Variants in TANC2 observed in about 807,000 individuals in gnomAD.
TANC2 encodes tetratricopeptide repeat, ankyrin repeat and coiled-coil containing 2.
Under a neutral mutation model 210.5 loss-of-function variants are expected in TANC2, and 26 were observed. The observed-to-expected ratio is 0.12, with a 90% CI of 0.09 to 0.17. TANC2 has a LOEUF of 0.17. Among genes scored for constraint, TANC2 ranks in the 10% least tolerant of loss-of-function variants. The probability of loss-of-function intolerance (pLI) is 1.00; values close to 1 mark genes in which losing one functional copy is unlikely to be tolerated. For missense variants in TANC2, 2,129 were observed against 2,608.9 expected (o/e 0.82, Z 4.01); for synonymous variants, 931 against 967.1 (o/e 0.96, Z 0.69).
intron 2 of TANC2, among the ~76,000 whole-genome samples, chr17:63,035,629 C>T (rs552346379): frequency 7.4e-4 from 112 of 152,208 alleles, no homozygotes; most frequent in African/African-American, 2.5e-3. Context: ...TGGATTATTT[C>T]CAATTTTAGG....
chr17:63,309,663 C>A (rs2045050325), intron 9 of TANC2, among the ~76,000 whole-genome samples: 1 of 151,966 alleles, frequency 6.6e-6, no homozygotes, highest in Non-Finnish European at 1.5e-5. Flanking sequence ...GATTAACTGT[C>A]AGAACTGAAT....
chr17:63,416,014 T>C (rs2048846928), intron 26 of TANC2, among the ~76,000 whole-genome samples: 2 of 152,180 alleles, frequency 1.3e-5, no homozygotes. Flanking sequence ...AGAATTCCAG[T>C]TGCAATTAGA....
At chr17:63,093,973 A>G (rs1039626975) in intron 3 of TANC2, among the ~76,000 whole-genome samples, 1 of 152,104 alleles carries the variant, frequency 6.6e-6, no homozygotes, top group Non-Finnish European at 1.5e-5. Flanking sequence ...AGTACATGGT[A>G]TGTACTCTGT....
chr17:63,095,003 CT>C (rs201000711), intron 3 of TANC2, among the ~76,000 whole-genome samples: 47 of 147,836 alleles, frequency 3.2e-4, no homozygotes, highest in Middle Eastern at 3.5e-3. Context: ...CCCGCCCCGC[CT>C]TTTTTTTTTA....
intron 8 of TANC2, among the ~76,000 whole-genome samples, chr17:63,251,206 C>T (rs1284938727): frequency 6.6e-6 from 1 of 152,138 alleles, no homozygotes; most frequent in Non-Finnish European, 1.5e-5. Context: ...TTCTAAACAG[C>T]AGTATATATT....
chr17:63,130,796 T>C (rs1035304615), intron 4 of TANC2: 1 of 152,230 alleles, frequency 6.6e-6, no homozygotes. Flanking sequence ...AAGCTCTGAT[T>C]CAGTAAGTTT....
chr17:63,039,102 GT>G (rs917113463), intron 2 of TANC2, among the ~76,000 whole-genome samples: 1 of 152,106 alleles, frequency 6.6e-6, no homozygotes, highest in African/African-American at 2.4e-5. Context: ...AGGAAGGCCT[GT>G]TTATGCATTT....
intron 2 of TANC2, among the ~76,000 whole-genome samples, chr17:63,015,314 T>C (rs918719106): frequency 1.3e-5 from 2 of 151,778 alleles, no homozygotes; most frequent in Admixed American, 1.3e-4. Context: ...TAAAATAAGA[T>C]ATTTATTTAT....
intron 2 of TANC2, among the ~76,000 whole-genome samples, chr17:63,045,858 C>G (rs1376978662): frequency 6.6e-6 from 1 of 152,028 alleles, no homozygotes; most frequent in Non-Finnish European, 1.5e-5. Context: ...CTAGGCTGGT[C>G]TTGAACTCCT....
At position 63,292,006 on chromosome 17, in the gene TANC2, T is replaced by C. The variant is rs150798633; in HGVS notation, c.1160-22382T>C. 5.4e-3 allele frequency among the ~76,000 whole-genome samples: 824 copies of C among 152,324 alleles called. 9 individuals carry two copies. The highest frequency in any genetic ancestry group is 0.019 in the African/African-American group (791 of 41,564). On this transcript the variant is annotated intron_variant, in intron 9 of 27. Coordinates refer to ENST00000689528, the Ensembl canonical transcript of TANC2. ...AGACAGATGGTGATATTTCATTAAC[T>C]GTGGTAACAAATGGAAAAGAACGAA...
chr17:63,200,259 G>A (rs2041482037), intron 6 of TANC2, among the ~76,000 whole-genome samples: 1 of 151,258 alleles, frequency 6.6e-6, no homozygotes, highest in Non-Finnish European at 1.5e-5. Flanking sequence ...GGAGGCTGAG[G>A]CAGGAGAATC....
intron 2 of TANC2, among the ~76,000 whole-genome samples, chr17:63,020,978 A>G (rs1030275325): frequency 4.0e-5 from 6 of 151,700 alleles, no homozygotes; most frequent in Non-Finnish European, 7.4e-5. Context: ...ATTAAGTAGA[A>G]CTCCCTCATT....
At chr17:63,187,932 A>G (rs1448914849) in intron 5 of TANC2, among the ~76,000 whole-genome samples, 1 of 152,168 alleles carries the variant, frequency 6.6e-6, no homozygotes, top group Non-Finnish European at 1.5e-5. Context: ...CTATCAACCT[A>G]GAATGGTATA....
intron 9 of TANC2, among the ~76,000 whole-genome samples, chr17:63,295,800 A>G (rs1363264699): frequency 2.0e-5 from 3 of 152,204 alleles, no homozygotes; most frequent in Non-Finnish European, 4.4e-5. Context: ...AACTAACTAC[A>G]TGGCCTTACA....
chr17:63,398,684 G>C (rs544164871), intron 18 of TANC2, 137 bp from the exon 19 acceptor site: 1 of 545,442 alleles, frequency 1.8e-6, no homozygotes, highest in Non-Finnish European at 3.3e-6. Context: ...TTATTAGGAC[G>C]GTCAATTCTG....
intron 2 of TANC2, among the ~76,000 whole-genome samples, chr17:63,042,296 G>A (rs1305542996): frequency 1.3e-5 from 2 of 151,916 alleles, no homozygotes; most frequent in Non-Finnish European, 2.9e-5. Context: ...AGGAAGTAAA[G>A]CATCATAAAA....
intron 21 of TANC2, among the ~76,000 whole-genome samples, chr17:63,410,346 C>CCG (rs11400462): frequency 5.5e-5 from 7 of 128,226 alleles, no homozygotes; most frequent in African/African-American, 2.9e-4. Flanking sequence ...ATCCCCCCCC[C>CCG]CCATCTCCTA....
At chr17:63,209,564 G>T (rs781753525) in intron 7 of TANC2, among the ~76,000 whole-genome samples, 44 of 152,116 alleles carry the variant, frequency 2.9e-4, no homozygotes, top group Non-Finnish European at 5.3e-4. Context: ...CTCCCGAGTG[G>T]CTGGGATTAC....
rs745388587 is a variant in TANC2, at chr17:63,411,664, C to G, written c.3743C>G (p.Ala1248Gly). The G allele has an allele frequency of 6.2e-6, 10 of 1,612,994 alleles. No individual in the cohort carries two copies. The South Asian group carries it at 9.9e-5, about 16-fold the overall frequency. Residue 1248 changes from alanine to glycine, a missense_variant, in exon 22 of 28, where the codon GCT (alanine) becomes GGT (glycine). Transcript: ENST00000689528. ...GGCCGTACCCCACTGGATCTGGCAG[C>G]TTTCTATGGCGATGCTGAGGTGGTA...
Sources: gnomAD v4.1 joint callset for allele counts (sites outside exome capture counted in the v4.1 genomes callset) on GRCh38, gnomAD v4.1.1 for gene constraint, MANE v1.5 for transcripts, NCBI Gene and HGNC (gene_info 2026-07-23, HGNC 2026-07-21) for gene names.